ZNF69: variants seen among roughly 807,000 people sequenced by gnomAD.
ZNF69 encodes ZNF3.
A neutral mutation model predicts 50.9 loss-of-function variants in ZNF69; 47 were observed. The observed-to-expected ratio is 0.92, with a 90% CI of 0.73 to 1.18. The LOEUF is 1.18. Among genes scored for constraint, ZNF69 ranks in the 50% most tolerant of loss-of-function variants. The probability of loss-of-function intolerance (pLI) is 0.00; values close to 1 mark genes in which losing one functional copy is unlikely to be tolerated. For synonymous variants in ZNF69, 216 were observed against 223.1 expected (o/e 0.97, Z 0.29); for missense variants, 717 against 675.1 (o/e 1.06, Z -0.69).
the ZNF69 span, among the ~76,000 whole-genome samples, chr19:11,937,645 C>T: frequency 6.6e-6 from 1 of 151,792 alleles, no homozygotes; most frequent in South Asian, 2.1e-4. Context: ...CCTACCACCA[C>T]GCTTGGCTAA....
At chr19:11,894,328 G>A (rs962111033) in intron 1 of ZNF69, among the ~76,000 whole-genome samples, 1 of 152,184 alleles carries the variant, frequency 6.6e-6, no homozygotes, top group Admixed American at 6.5e-5. Flanking sequence ...TTTTAGTAGA[G>A]ACAGGATTTC....
downstream of ZNF69, among the ~76,000 whole-genome samples, chr19:11,917,222 G>T (rs564910321): frequency 2.0e-5 from 3 of 152,180 alleles, no homozygotes; most frequent in African/African-American, 7.2e-5. Context: ...CTGGAGAATT[G>T]ATTGGTGTTC....
At chr19:11,951,093 G>T in the ZNF69 span, among the ~76,000 whole-genome samples, 1 of 144,766 alleles carries the variant, frequency 6.9e-6, no homozygotes, top group Non-Finnish European at 1.5e-5. Context: ...GGAGGTTGCA[G>T]TGAGCAGAGA....
the ZNF69 span, chr19:11,979,645 G>T: frequency 6.2e-7 from 1 of 1,603,788 alleles, no homozygotes; most frequent in Non-Finnish European, 8.5e-7. Context: ...AGCAATGTGG[G>T]AAAGCCTTCA....
At chr19:11,928,828 C>A in the ZNF69 span, among the ~76,000 whole-genome samples, 1 of 147,380 alleles carries the variant, frequency 6.8e-6, no homozygotes, top group Non-Finnish European at 1.5e-5. Context: ...ACCTGTAACC[C>A]CAGCACTGTG....
intron 1 of ZNF69, among the ~76,000 whole-genome samples, chr19:11,895,955 G>T (rs1480146394): frequency 1.3e-5 from 2 of 152,016 alleles, no homozygotes; most frequent in African/African-American, 4.8e-5. Context: ...CATGGTGGCT[G>T]ACGCCTGTAA....
At chr19:11,928,904 A>G in the ZNF69 span, among the ~76,000 whole-genome samples, 1 of 147,194 alleles carries the variant, frequency 6.8e-6, no homozygotes, top group Non-Finnish European at 1.5e-5. Flanking sequence ...ACATATTGAG[A>G]CCCCATCTCA....
chr19:11,902,879 A>G (rs534122619), intron 1 of ZNF69, among the ~76,000 whole-genome samples: 6 of 152,266 alleles, frequency 3.9e-5, no homozygotes, highest in Admixed American at 2.6e-4. Flanking sequence ...AAGAGACATT[A>G]GGGACAGCCC....
chr19:11,922,125 GAA>G, the ZNF69 span, among the ~76,000 whole-genome samples: 2 of 140,598 alleles, frequency 1.4e-5, no homozygotes, highest in Admixed American at 7.1e-5. Context: ...AATGTTGAAG[GAA>G]AAAAAAAAAA....
chr19:11,941,413 A>G, the ZNF69 span, among the ~76,000 whole-genome samples: 1 of 152,198 alleles, frequency 6.6e-6, no homozygotes, highest in Non-Finnish European at 1.5e-5. Context: ...CTCAGGCATG[A>G]TGGGCTGCAG....
At chr19:11,954,977 TAG>T in the ZNF69 span, among the ~76,000 whole-genome samples, 4 of 150,160 alleles carry the variant, frequency 2.7e-5, no homozygotes, top group East Asian at 1.9e-4. Flanking sequence ...TTGTCTTATA[TAG>T]AGTTTGTTTC....
At chr19:11,960,825 A>T in the ZNF69 span, among the ~76,000 whole-genome samples, 1 of 152,104 alleles carries the variant, frequency 6.6e-6, no homozygotes, top group Non-Finnish European at 1.5e-5. Context: ...AGCTACCTCG[A>T]TGTCCCTTCT....
At chr19:11,925,266 G>C in the ZNF69 span, 8 of 1,612,144 alleles carry the variant, frequency 5.0e-6, no homozygotes, top group Non-Finnish European at 5.9e-6. Context: ...TCTGAAAGCC[G>C]GGAAATGGTG....
chr19:11,937,415 T>G, the ZNF69 span, among the ~76,000 whole-genome samples: 1 of 152,084 alleles, frequency 6.6e-6, no homozygotes, highest in African/African-American at 2.4e-5. Context: ...TGGGCTCAAA[T>G]GACCTGTCTG....
At chr19:11,945,239 C>T in the ZNF69 span, among the ~76,000 whole-genome samples, 1 of 152,168 alleles carries the variant, frequency 6.6e-6, no homozygotes, top group African/African-American at 2.4e-5. Context: ...TCTTTGTGAC[C>T]CCATATAGAG....
chr19:11,928,471 G>A, the ZNF69 span, among the ~76,000 whole-genome samples: 203 of 151,468 alleles, frequency 1.3e-3, 1 homozygote, highest in African/African-American at 4.8e-3. Context: ...GGTGGCTCAC[G>A]CCTGTAATCC....
chr19:11,914,046 G>A (rs1355052205), exon 5 of ZNF69: 1 of 152,184 alleles, frequency 6.6e-6, no homozygotes, highest in African/African-American at 2.4e-5. Context: ...TAAAAGACTT[G>A]GCATTGGCTG....
At chr19:11,940,911 G>C in the ZNF69 span, among the ~76,000 whole-genome samples, 1 of 151,658 alleles carries the variant, frequency 6.6e-6, no homozygotes, top group South Asian at 2.1e-4. Context: ...ACAGAGTGTC[G>C]ATTGGTGCAT....
chr19:11,974,519 C>T, the ZNF69 span, among the ~76,000 whole-genome samples: 2 of 148,502 alleles, frequency 1.3e-5, no homozygotes, highest in Non-Finnish European at 3.0e-5. Flanking sequence ...TCTTTAATAA[C>T]ATGCAATGTT....
Sources: allele counts gnomAD v4.1 joint callset (sites outside exome capture counted in the v4.1 genomes callset), GRCh38; gene constraint gnomAD v4.1.1; transcripts MANE v1.5; gene names NCBI Gene and HGNC (gene_info 2026-07-23, HGNC 2026-07-21).